AGBL4: variants seen among roughly 807,000 people sequenced by gnomAD.
AGBL4 encodes the protein cytosolic carboxypeptidase 6.
Under a neutral mutation model 66.4 loss-of-function variants are expected in AGBL4, and 58 were observed. That is an observed-to-expected ratio of 0.87 (90% CI 0.71 to 1.09). The LOEUF is 1.09. Ranked by LOEUF, AGBL4 falls within the 50% of genes least tolerant of loss-of-function variation. AGBL4 has a pLI of 0.00. For missense variants in AGBL4, 579 were observed against 631.0 expected, an observed-to-expected ratio of 0.92 and a Z score of 0.88; for synonymous variants, 234 against 222.9, an observed-to-expected ratio of 1.05 and a Z score of -0.44.
intron 11 of AGBL4, among the ~76,000 whole-genome samples, chr1:48,573,697 C>T (rs1644604729): frequency 6.6e-6 from 1 of 152,130 alleles, no homozygotes; most frequent in African/African-American, 2.4e-5. Flanking sequence ...CTTAAGAACC[C>T]TTCATGGAAG....
chr1:48,539,616 C>T (rs1202446196), intron 12 of AGBL4, 26 bp downstream of exon 12: 40 of 1,505,068 alleles, frequency 2.7e-5, no homozygotes, highest in African/African-American at 4.2e-5. Context: ...GAACTCAAGC[C>T]GAAACCTCTC....
At chr1:49,512,895 C>T (rs1190200219) in intron 3 of AGBL4, among the ~76,000 whole-genome samples, 1 of 151,914 alleles carries the variant, frequency 6.6e-6, no homozygotes. Flanking sequence ...TTTAACTCTC[C>T]TCCAAAAGTT....
intron 5 of AGBL4, among the ~76,000 whole-genome samples, chr1:48,935,621 C>T (rs1655382951): frequency 1.3e-5 from 2 of 151,960 alleles, no homozygotes; most frequent in Admixed American, 6.6e-5. Flanking sequence ...GTTCCTCAAA[C>T]CCCAACATGC....
intron 6 of AGBL4, among the ~76,000 whole-genome samples, chr1:48,809,280 T>C (rs1645997338): frequency 6.6e-6 from 1 of 152,178 alleles, no homozygotes; most frequent in Non-Finnish European, 1.5e-5. Context: ...GTGAGGGAGA[T>C]GAACATTTGT....
intron 4 of AGBL4, among the ~76,000 whole-genome samples, chr1:49,131,418 A>C (rs1645893312): frequency 2.0e-5 from 3 of 152,094 alleles, no homozygotes; most frequent in African/African-American, 7.2e-5. Flanking sequence ...TGAATTTTAA[A>C]GGACAATGGT....
intron 3 of AGBL4, among the ~76,000 whole-genome samples, chr1:49,304,032 A>AT (rs1233958386): frequency 6.6e-6 from 1 of 152,082 alleles, no homozygotes; most frequent in African/African-American, 2.4e-5. Context: ...TGCTTTTGAC[A>AT]TTTTTGTCAT....
At chr1:49,751,988 G>T (rs1651511565) in intron 2 of AGBL4, among the ~76,000 whole-genome samples, 1 of 149,632 alleles carries the variant, frequency 6.7e-6, no homozygotes, top group African/African-American at 2.5e-5. Context: ...TTTTAGTCTG[G>T]CTTGTGGTCT....
At chr1:49,442,274 A>G (rs1646051759) in intron 3 of AGBL4, among the ~76,000 whole-genome samples, 1 of 152,240 alleles carries the variant, frequency 6.6e-6, no homozygotes, top group Non-Finnish European at 1.5e-5. Context: ...AGCAAAAATT[A>G]TAATGTAACA....
chr1:49,076,083 A>T (rs1214141292), intron 4 of AGBL4, among the ~76,000 whole-genome samples: 1 of 152,158 alleles, frequency 6.6e-6, no homozygotes, highest in Non-Finnish European at 1.5e-5. Context: ...TTTCTCTTTT[A>T]AGTAGAATTC....
chr1:49,375,121 A>G (rs1644445373), intron 3 of AGBL4, among the ~76,000 whole-genome samples: 1 of 152,088 alleles, frequency 6.6e-6, no homozygotes, highest in Non-Finnish European at 1.5e-5. Flanking sequence ...CTGGAAAACT[A>G]CATTCGTTTG....
chr1:49,679,684 T>C (rs1275025794), intron 3 of AGBL4, among the ~76,000 whole-genome samples: 1 of 152,196 alleles, frequency 6.6e-6, no homozygotes, highest in African/African-American at 2.4e-5. Flanking sequence ...GAACTTTTCT[T>C]CTTTTTAGAA....
chr1:49,482,004 A>T lies in AGBL4; in HGVS notation c.282+215309T>A, dbSNP rs553565202. ...TAGATCGTGATGGATAAGCTTTTTG[A>T]TGTACTGCTGTACTCGGTTTGCCAG... On this transcript the variant is annotated intron_variant, in intron 3 of 13. Transcript: ENST00000371839. Among the ~76,000 whole-genome samples, 4 of 149,724 alleles carry T rather than the reference A, an allele frequency of 2.7e-5. No homozygotes were observed. The Admixed American group carries it at 2.7e-4, about 10-fold the overall frequency.
chr1:49,564,604 T>C (rs530115679), intron 3 of AGBL4, among the ~76,000 whole-genome samples: 2,245 of 152,306 alleles, frequency 0.015, 18 homozygotes, highest in Non-Finnish European at 0.022. Context: ...AGTTTCCATG[T>C]AGTTGAGTGG....
At chr1:49,447,637 A>T (rs1646189126) in intron 3 of AGBL4, among the ~76,000 whole-genome samples, 1 of 152,106 alleles carries the variant, frequency 6.6e-6, no homozygotes, top group African/African-American at 2.4e-5. Context: ...CACCCATGCT[A>T]GTGTCAGGGC....
chr1:48,587,496 T>C (rs996548548), intron 10 of AGBL4, among the ~76,000 whole-genome samples: 1 of 151,774 alleles, frequency 6.6e-6, no homozygotes, highest in Non-Finnish European at 1.5e-5. Context: ...GGCATGGTGG[T>C]GTGCACCTGT....
chr1:49,193,219 C>A lies in AGBL4; in HGVS notation c.377+52551G>T, dbSNP rs552435045. On this transcript the variant is annotated intron_variant, in intron 4 of 13. Transcript: ENST00000371839. The stretch of plus-strand genomic sequence containing the variant: ...CAATTTCATTTTATTCTGCCCTGAT[C>A]TTTGTTATTTCTTTTTTTTTTCTGG... Among the ~76,000 whole-genome samples, 38 of 150,616 alleles carry A rather than the reference C, an allele frequency of 2.5e-4. 1 individual carries two copies. Among genetic ancestry groups the A allele is most frequent in the African/African-American group, 8.7e-4 (36 of 41,168 alleles).
At chr1:50,007,227 A>T (rs1302935074) in intron 1 of AGBL4, among the ~76,000 whole-genome samples, 2 of 152,112 alleles carry the variant, frequency 1.3e-5, no homozygotes, top group African/African-American at 2.4e-5. Flanking sequence ...TATGACGTAC[A>T]CAAAAAATAA....
chr1:49,355,179 G>A (rs1163286484), intron 3 of AGBL4, among the ~76,000 whole-genome samples: 6 of 152,098 alleles, frequency 3.9e-5, no homozygotes, highest in African/African-American at 9.7e-5. Flanking sequence ...TCAAGCACTC[G>A]ATCCAACTAC....
chr1:48,776,682 C>T (rs1275871419), intron 6 of AGBL4: 1 of 1,512,940 alleles, frequency 6.6e-7, no homozygotes, highest in South Asian at 1.2e-5. Context: ...GGCTCTCGGG[C>T]CCGGCGCCCA....
Sources: allele counts gnomAD v4.1 joint callset (sites outside exome capture counted in the v4.1 genomes callset), GRCh38; gene constraint gnomAD v4.1.1; transcripts MANE v1.5; gene names NCBI Gene and HGNC (gene_info 2026-07-23, HGNC 2026-07-21).